Variants in EXOC2 observed in about 807,000 individuals in gnomAD.
EXOC2 encodes SEC5-like 1.
In EXOC2, 70 loss-of-function variants were observed where a neutral mutation model predicts 131.8. That is an observed-to-expected ratio of 0.53 (90% CI 0.44 to 0.65). EXOC2 has a LOEUF of 0.65. Ranked by LOEUF, EXOC2 falls within the 30% of genes least tolerant of loss-of-function variation. The probability of loss-of-function intolerance (pLI) is 0.00; values close to 1 mark genes in which losing one functional copy is unlikely to be tolerated. For synonymous variants in EXOC2, 411 were observed against 398.4 expected, an observed-to-expected ratio of 1.03 and a Z score of -0.38; for missense variants, 923 against 1,108.6, an observed-to-expected ratio of 0.83 and a Z score of 2.38.
chr6:536,193 A>G (rs146547121), intron 22 of EXOC2, among the ~76,000 whole-genome samples: 17 of 152,342 alleles, frequency 1.1e-4, no homozygotes, highest in African/African-American at 4.1e-4. Context: ...ATAATACCAA[A>G]AAAGAAGAAG....
At chr6:536,799 A>T (rs1766468423) in intron 22 of EXOC2, among the ~76,000 whole-genome samples, 1 of 152,236 alleles carries the variant, frequency 6.6e-6, no homozygotes, top group Admixed American at 6.5e-5. Flanking sequence ...AAGGCATTAA[A>T]CATTTTAAAA....
intron 7 of EXOC2, among the ~76,000 whole-genome samples, chr6:602,836 AG>A (rs1160449646): frequency 6.6e-6 from 1 of 152,158 alleles, no homozygotes; most frequent in African/African-American, 2.4e-5. Flanking sequence ...ATTTCCCTAC[AG>A]TGCAAGATGG....
Position 619,450 on chromosome 6 carries a change from TATAAG to T in EXOC2, c.511_515del (p.Leu171ArgfsTer9). 1 of 1,613,964 alleles carries T rather than the reference TATAAG, an allele frequency of 6.2e-7. No individual in the cohort carries two copies. Among genetic ancestry groups the T allele is most frequent in the Non-Finnish European group, 8.5e-7 (1 of 1,179,838 alleles). On this transcript the variant is annotated frameshift_variant, in exon 5 of 28. Coordinates refer to ENST00000230449, the MANE Select transcript of EXOC2 (RefSeq NM_018303.6). LOFTEE classifies it high-confidence loss of function. ...CTAACCTGGTGTTTGAGTGATTCTC[TATAAG>T]ATACCAGGCTGCTGAGAAATTCTCA...
intron 7 of EXOC2, among the ~76,000 whole-genome samples, chr6:602,543 T>A (rs933297953): frequency 2.6e-5 from 4 of 152,116 alleles, no homozygotes; most frequent in African/African-American, 9.7e-5. Context: ...TGGTAAGGGT[T>A]TGAACATCAG....
chr6:590,642 ATTTCTC>A (rs1410057256), intron 11 of EXOC2, among the ~76,000 whole-genome samples: 1 of 151,972 alleles, frequency 6.6e-6, no homozygotes, highest in African/African-American at 2.4e-5. Flanking sequence ...TCCTAAGGAC[ATTTCTC>A]TTTCATCTTC....
intron 23 of EXOC2, among the ~76,000 whole-genome samples, chr6:518,957 T>A (rs1765311208): frequency 6.6e-6 from 1 of 152,182 alleles, no homozygotes; most frequent in Non-Finnish European, 1.5e-5. Flanking sequence ...TCTTCAGAGA[T>A]GAAGTCCACT....
At chr6:539,616 A>G (rs752220098) in intron 22 of EXOC2, among the ~76,000 whole-genome samples, 1 of 152,274 alleles carries the variant, frequency 6.6e-6, no homozygotes, top group Non-Finnish European at 1.5e-5. Context: ...AAAAGATAAC[A>G]TCATTATTTT....
intron 6 of EXOC2, among the ~76,000 whole-genome samples, chr6:611,512 C>G (rs972285629): frequency 6.6e-6 from 1 of 152,204 alleles, no homozygotes; most frequent in Non-Finnish European, 1.5e-5. Flanking sequence ...GATGAGGTGA[C>G]CCTGGCCCCC....
intron 1 of EXOC2, among the ~76,000 whole-genome samples, chr6:644,600 C>T (rs1394531058): frequency 2.0e-5 from 3 of 151,920 alleles, no homozygotes; most frequent in Non-Finnish European, 4.4e-5. Flanking sequence ...ATAAAAAATC[C>T]TAAGAAATCT....
chr6:487,075 T>C (rs1442985126), intron 27 of EXOC2, among the ~76,000 whole-genome samples: 1 of 152,228 alleles, frequency 6.6e-6, no homozygotes, highest in Non-Finnish European at 1.5e-5. Flanking sequence ...AACTCTAAAA[T>C]AATTTACACA....
At chr6:574,199 A>G (rs979320433) in intron 12 of EXOC2, among the ~76,000 whole-genome samples, 1 of 152,230 alleles carries the variant, frequency 6.6e-6, no homozygotes, top group African/African-American at 2.4e-5. Context: ...GTATACCTAT[A>G]TCATTTAGCA....
intron 23 of EXOC2, among the ~76,000 whole-genome samples, chr6:517,983 G>T (rs2493014): frequency 0.25 from 37,738 of 152,094 alleles, 5,208 homozygotes; most frequent in African/African-American, 0.37. Flanking sequence ...CTCAAGAGAG[G>T]TTTATTTTTC....
At chr6:497,545 TA>T in intron 24 of EXOC2, 56 bp from the exon 25 acceptor site, 1 of 1,555,326 alleles carries the variant, frequency 6.4e-7, no homozygotes, top group Non-Finnish European at 8.7e-7. Context: ...TTGAATTTGT[TA>T]AAGACAAAGT....
chr6:497,043 A>C (rs1763784470), intron 25 of EXOC2, among the ~76,000 whole-genome samples: 1 of 151,780 alleles, frequency 6.6e-6, no homozygotes, highest in Admixed American at 6.5e-5. Context: ...TATTAAAAGC[A>C]AGTTGTTAAA....
chr6:546,458 C>G (rs1305707840), intron 22 of EXOC2, among the ~76,000 whole-genome samples: 1 of 152,194 alleles, frequency 6.6e-6, no homozygotes, highest in Non-Finnish European at 1.5e-5. Context: ...GTACACTAAT[C>G]AACCAGCTTC....
chr6:554,435 A>C (rs749190066), intron 20 of EXOC2, among the ~76,000 whole-genome samples: 3 of 152,232 alleles, frequency 2.0e-5, no homozygotes, highest in African/African-American at 4.8e-5. Flanking sequence ...CATTTAATCC[A>C]TAATATGAGG....
chr6:598,368 AT>A (rs1404031388), intron 9 of EXOC2, among the ~76,000 whole-genome samples: 1 of 152,208 alleles, frequency 6.6e-6, no homozygotes, highest in Non-Finnish European at 1.5e-5. Flanking sequence ...CAATAAAAAA[AT>A]AAATTTAGTT....
At chr6:629,108 T>C (rs1150861) in intron 4 of EXOC2, among the ~76,000 whole-genome samples, 11,727 of 152,184 alleles carry the variant, frequency 0.077, 688 homozygotes, top group African/African-American at 0.16. Context: ...TCCCCATTCC[T>C]AGAAAACCCT....
chr6:690,017 T>C (rs1381830851), intron 1 of EXOC2, among the ~76,000 whole-genome samples: 1 of 152,230 alleles, frequency 6.6e-6, no homozygotes, highest in Non-Finnish European at 1.5e-5. Context: ...CAGTGTATAG[T>C]TGCTTTGACG....
Sources: allele counts gnomAD v4.1 joint callset (sites outside exome capture counted in the v4.1 genomes callset), GRCh38; gene constraint gnomAD v4.1.1; transcripts MANE v1.5; gene names NCBI Gene and HGNC (gene_info 2026-07-23, HGNC 2026-07-21).